HLF: variants seen among roughly 807,000 people sequenced by gnomAD.
HLF encodes HLF transcription factor, PAR bZIP family member.
A neutral mutation model predicts 22.6 loss-of-function variants in HLF; 3 were observed. That is an observed-to-expected ratio of 0.13 (90% CI 0.06 to 0.34). The LOEUF is 0.34. Among genes scored for constraint, HLF ranks in the 10% least tolerant of loss-of-function variants. HLF has a pLI of 1.00. For missense variants in HLF, 299 were observed against 389.2 expected (o/e 0.77, Z 1.95); for synonymous variants, 151 against 151.8 (o/e 0.99, Z 0.04).
chr17:55,273,499 C>G (rs938270320), intron 2 of HLF: 1 of 152,260 alleles, frequency 6.6e-6, no homozygotes, highest in African/African-American at 2.4e-5. Flanking sequence ...CCCATCATGT[C>G]CAACACTTAC....
intron 2 of HLF, among the ~76,000 whole-genome samples, chr17:55,281,467 C>A (rs572905115): frequency 6.6e-6 from 1 of 152,260 alleles, no homozygotes; most frequent in African/African-American, 2.4e-5. Context: ...GAGCCAAGAT[C>A]GTGCCATTGC....
At chr17:55,310,234 A>G (rs1904767713) in intron 2 of HLF, among the ~76,000 whole-genome samples, 1 of 152,230 alleles carries the variant, frequency 6.6e-6, no homozygotes, top group African/African-American at 2.4e-5. Flanking sequence ...AAAAACAAAA[A>G]AAACGAAAAA....
At chr17:55,314,671 C>G (rs1258680132) in intron 2 of HLF, among the ~76,000 whole-genome samples, 1 of 152,194 alleles carries the variant, frequency 6.6e-6, no homozygotes, top group Non-Finnish European at 1.5e-5. Flanking sequence ...GTCTTGGCAC[C>G]TAGAATACCC....
At chr17:55,270,065 A>G (rs931135847) in intron 2 of HLF, among the ~76,000 whole-genome samples, 12 of 152,206 alleles carry the variant, frequency 7.9e-5, no homozygotes, top group African/African-American at 2.9e-4. Flanking sequence ...GTCAGAGCTC[A>G]TTAGAGTCAG....
At chr17:55,271,366 A>G (rs1316803097) in intron 2 of HLF, 1 of 152,232 alleles carries the variant, frequency 6.6e-6, no homozygotes, top group African/African-American at 2.4e-5. Flanking sequence ...TTCACTCAGC[A>G]TGCATCTTTT....
rs141108212 is a variant in HLF, at chr17:55,320,853, T to C, written c.862T>C (p.Tyr288His). ...CAAATGCAAGAACATACTTGCCAAG[T>C]ATGAGGCCAGGCACGGGCCCCTGTA... ...LGKCKNILAKYEARHGPL is the reference protein window; with the variant it reads ...LGKCKNILAKHEARHGPL Residue 288 changes from tyrosine to histidine, a missense_variant, in exon 4 of 4, where the codon TAT becomes CAT. This residue lies in a region of HLF where 224 missense variants were observed against 298.1 expected (regional missense o/e 0.75). Coordinates refer to ENST00000226067, the MANE Select transcript of HLF (RefSeq NM_002126.5). The surrounding 1 kb of genome is among the most constrained non-coding windows in gnomAD (Gnocchi z 4.2). The C allele has an allele frequency of 1.2e-6, 2 of 1,613,016 alleles. No individual in the cohort carries two copies. The highest frequency in any genetic ancestry group is 1.3e-5 in the African/African-American group (1 of 74,906).
intron 2 of HLF, among the ~76,000 whole-genome samples, chr17:55,294,731 T>C (rs2081096338): frequency 6.6e-6 from 1 of 152,196 alleles, no homozygotes; most frequent in African/African-American, 2.4e-5. Flanking sequence ...CTTCTCTCCA[T>C]ATGGAGAAGG....
intron 2 of HLF, chr17:55,273,127 G>A (rs2080873391): frequency 6.6e-6 from 1 of 152,272 alleles, no homozygotes; most frequent in Non-Finnish European, 1.5e-5. Flanking sequence ...TTGGTGGTTA[G>A]GATTGTAGGC....
chr17:55,292,237 C>T (rs774702129), intron 2 of HLF, among the ~76,000 whole-genome samples: 26 of 152,148 alleles, frequency 1.7e-4, no homozygotes, highest in Admixed American at 9.2e-4. Context: ...CAAATAACAC[C>T]GCGTGCTACA....
chr17:55,290,630 G>A lies in HLF; in HGVS notation c.451+22544G>A, dbSNP rs537904599. On this transcript the variant is annotated intron_variant, in intron 2 of 3. Transcript: ENST00000226067. ...CCTCTCCTTGGGATTCCTGTTCCCT[G>A]AGACACAACAATATTGAAAGTAGGC... is the stretch of plus-strand genomic sequence containing the variant. Among the ~76,000 whole-genome samples the A allele has an allele frequency of 4.6e-5, 7 of 152,226 alleles. No homozygotes were observed. In the South Asian group the frequency reaches 1.5e-3, roughly 32 times the overall value.
At chr17:55,300,461 A>G (rs1255681936) in intron 2 of HLF, among the ~76,000 whole-genome samples, 1 of 152,180 alleles carries the variant, frequency 6.6e-6, no homozygotes, top group Non-Finnish European at 1.5e-5. Context: ...CTACATTGGT[A>G]TATGAAGCTG....
intron 2 of HLF, among the ~76,000 whole-genome samples, chr17:55,305,555 C>T (rs1331785229): frequency 2.0e-5 from 3 of 152,222 alleles, no homozygotes; most frequent in Non-Finnish European, 4.4e-5. Flanking sequence ...GCAGAAAGAG[C>T]GTGGGCTATG....
rs1334733241 is a variant in HLF, at chr17:55,324,846, T to G, written c.*3967T>G. 4.3e-6 allele frequency: 1 copy of G among 233,270 alleles called. No individual in the cohort carries two copies. The highest frequency in any genetic ancestry group is 8.5e-6 in the Non-Finnish European group (1 of 117,906). 14.5% of individuals were successfully genotyped at this position (233,270 alleles called of 1,614,324 possible). On this transcript the variant is annotated 3_prime_UTR_variant, in exon 4 of 4. Transcript: ENST00000226067. ...GTGTGTGTGTATGTGTGTGAATAAG[T>G]CGACATAAAGTCTTTAATTTTGAGC...
chr17:55,313,511 A>G (rs2145368493), intron 2 of HLF, among the ~76,000 whole-genome samples: 1 of 152,208 alleles, frequency 6.6e-6, no homozygotes, highest in South Asian at 2.1e-4. Flanking sequence ...GTGTTACATG[A>G]TGATAGGAGA....
intron 2 of HLF, among the ~76,000 whole-genome samples, chr17:55,305,339 GAGGGAGGTAAAAGA>G (rs1904495948): frequency 6.6e-6 from 1 of 152,238 alleles, no homozygotes; most frequent in Non-Finnish European, 1.5e-5. Context: ...GGACGAGAGA[GAGGGAGGTAAAAGA>G]AGGGAGGGAA....
intron 2 of HLF, among the ~76,000 whole-genome samples, chr17:55,277,625 T>TA (rs546556403): frequency 6.6e-6 from 1 of 150,636 alleles, no homozygotes; most frequent in Non-Finnish European, 1.5e-5. Flanking sequence ...GGGATCGGAT[T>TA]GGGGGGGGTT....
At chr17:55,290,946 G>T (rs1312026961) in intron 2 of HLF, among the ~76,000 whole-genome samples, 1 of 152,194 alleles carries the variant, frequency 6.6e-6, no homozygotes. Context: ...CTGGATAGAA[G>T]ATTAAACCAT....
chr17:55,311,588 G>GT (rs1904833914), intron 2 of HLF, among the ~76,000 whole-genome samples: 1 of 152,168 alleles, frequency 6.6e-6, no homozygotes, highest in South Asian at 2.1e-4. Flanking sequence ...TGTGTGACAC[G>GT]TGCACTCTTA....
intron 2 of HLF, among the ~76,000 whole-genome samples, chr17:55,270,793 G>A (rs2080846688): frequency 6.6e-6 from 1 of 151,234 alleles, no homozygotes; most frequent in South Asian, 2.1e-4. Context: ...CCCGTGTAGC[G>A]CCACCACGCC....
Sources: gnomAD v4.1 joint callset for allele counts (sites outside exome capture counted in the v4.1 genomes callset) on GRCh38, gnomAD v4.1.1 for gene constraint, gnomAD v4.1.1 regional missense constraint, Gnocchi (gnomAD v3.1) non-coding constraint, MANE v1.5 for transcripts, NCBI Gene and HGNC (gene_info 2026-07-23, HGNC 2026-07-21) for gene names.